PPP3CC: variants seen among roughly 807,000 people sequenced by gnomAD.
The protein encoded by PPP3CC is protein phosphatase 3 catalytic subunit gamma.
PPP3CC carries 35 observed loss-of-function variants against 60.3 expected under a neutral mutation model. The observed-to-expected ratio is 0.58, with a 90% CI of 0.44 to 0.77. PPP3CC has a LOEUF of 0.77. Among genes scored for constraint, PPP3CC ranks in the 30% least tolerant of loss-of-function variants. The pLI is 0.00. For synonymous variants in PPP3CC, 206 were observed against 224.3 expected (o/e 0.92, Z 0.73); for missense variants, 570 against 628.9 (o/e 0.91, Z 1.00).
chr8:22,501,942 G>C (rs1446449648), intron 4 of PPP3CC, among the ~76,000 whole-genome samples: 13 of 152,216 alleles, frequency 8.5e-5, no homozygotes, highest in Non-Finnish European at 1.5e-5. Context: ...CTGAAGGATA[G>C]ATTGAGCCTG....
At chr8:22,452,814 T>TATC (rs3084078) in intron 1 of PPP3CC, among the ~76,000 whole-genome samples, 39 of 151,868 alleles carry the variant, frequency 2.6e-4, no homozygotes, top group African/African-American at 6.0e-4. Flanking sequence ...CCGCCATCGC[T>TATC]ATCATCATCA....
intron 4 of PPP3CC, among the ~76,000 whole-genome samples, chr8:22,502,482 C>T (rs935314106): frequency 2.0e-5 from 3 of 152,014 alleles, no homozygotes; most frequent in African/African-American, 4.8e-5. Flanking sequence ...CCCAGGAGTT[C>T]GAGACTAACA....
At chr8:22,520,025 C>T (rs535217395) in intron 6 of PPP3CC, among the ~76,000 whole-genome samples, 15 of 152,246 alleles carry the variant, frequency 9.9e-5, no homozygotes, top group Admixed American at 3.9e-4. Flanking sequence ...TGACAAACTC[C>T]AGTTTTTGTT....
Position 22,532,206 on chromosome 8 carries a change from A to G in PPP3CC, c.1142-19A>G. On this transcript the variant is annotated intron_variant, in intron 10 of 13. Transcript: ENST00000240139. ...ATTAACACATCCCTTTAACTTACTTATTCTTTGTATTCTCTAAGGAAGCAC... is the reference window on the plus strand; with the variant it reads ...ATTAACACATCCCTTTAACTTACTTGTTCTTTGTATTCTCTAAGGAAGCAC... The G allele has an allele frequency of 6.3e-7, 1 of 1,581,582 alleles. No individual in the cohort carries two copies. The highest frequency in any genetic ancestry group is 1.1e-5 in the South Asian group (1 of 89,240).
At chr8:22,447,415 C>T (rs568612195) in intron 1 of PPP3CC, among the ~76,000 whole-genome samples, 1 of 151,966 alleles carries the variant, frequency 6.6e-6, no homozygotes, top group East Asian at 1.9e-4. Flanking sequence ...GTCTCCTGAC[C>T]TCGTGATCCG....
At position 22,475,524 on chromosome 8, in the gene PPP3CC, T is replaced by A; in HGVS notation, c.272T>A (p.Phe91Tyr). Reference protein sequence around the residue: ...ITVCGDIHGQFFDLMKLFEVG... With the variant: ...ITVCGDIHGQYFDLMKLFEVG... ...GTATGTGGTGATATTCATGGACAAT[T>A]CTTTGACCTAATGAAGTTATTTGAA... Residue 91 changes from phenylalanine (F) to tyrosine (Y), a missense_variant, in exon 3 of 14, where the codon TTC becomes TAC. Phe to Tyr is a conservative substitution (Grantham distance 22). Transcript: ENST00000240139. 3.1e-6 allele frequency: 5 copies of A among 1,610,578 alleles called. No individual in the cohort carries two copies. The Admixed American group carries it at 6.7e-5, about 22-fold the overall frequency.
intron 3 of PPP3CC, among the ~76,000 whole-genome samples, chr8:22,478,040 C>G (rs186875668): frequency 1.3e-5 from 2 of 152,028 alleles, no homozygotes; most frequent in Admixed American, 1.3e-4. Context: ...TTAGTAGAGA[C>G]GGGGTTTCAC....
intron 1 of PPP3CC, among the ~76,000 whole-genome samples, chr8:22,470,230 T>G (rs1041572203): frequency 6.6e-6 from 1 of 152,042 alleles, no homozygotes; most frequent in Non-Finnish European, 1.5e-5. Context: ...CAAGCGTTCC[T>G]CCTGCCATAG....
Position 22,532,913 on chromosome 8 carries a change from CT to C in PPP3CC, c.1224-5del. The C allele has an allele frequency of 6.4e-7, 1 of 1,568,576 alleles. No homozygotes were observed. The highest frequency in any genetic ancestry group is 1.2e-5 in the South Asian group (1 of 85,920). On this transcript the variant is annotated splice_polypyrimidine_tract_variant and splice_region_variant and intron_variant, in intron 11 of 13. Transcript: ENST00000240139. ...GGCATTAACCCAGGGTTTGGTCTCC[CT>C]TTGCAGGCAAGAAAGTGAGAGTGTG...
intron 4 of PPP3CC, among the ~76,000 whole-genome samples, chr8:22,504,308 T>G (rs1180795245): frequency 6.6e-6 from 1 of 152,150 alleles, no homozygotes; most frequent in Non-Finnish European, 1.5e-5. Context: ...TAAACAAAAT[T>G]TATTTTTTTA....
chr8:22,467,434 G>C (rs966673682), intron 1 of PPP3CC, among the ~76,000 whole-genome samples: 2 of 151,928 alleles, frequency 1.3e-5, no homozygotes, highest in Non-Finnish European at 2.9e-5. Flanking sequence ...TATTCAAGAT[G>C]TGTTTTTTGT....
intron 1 of PPP3CC, among the ~76,000 whole-genome samples, chr8:22,441,699 G>A (rs1836677675): frequency 6.6e-6 from 1 of 152,198 alleles, no homozygotes; most frequent in Admixed American, 6.5e-5. Flanking sequence ...TCAGGGTGCA[G>A]TGGGGACTTC....
chr8:22,510,864 A>AGCTGGAAAGTTAATCCAAGGTCAC (rs1343510618), intron 4 of PPP3CC: 4 of 496,914 alleles, frequency 8.0e-6, no homozygotes, highest in Non-Finnish European at 1.4e-5. Context: ...CAAGCAACAG[A>AGCTGGAAAGTTAATCCAAGGTCAC]GCTGGAAAGT....
intron 12 of PPP3CC, among the ~76,000 whole-genome samples, chr8:22,535,188 C>G (rs1206401240): frequency 6.6e-6 from 1 of 152,178 alleles, no homozygotes; most frequent in Non-Finnish European, 1.5e-5. Flanking sequence ...TCCCTGCAGC[C>G]ATATTCTATT....
intron 3 of PPP3CC, among the ~76,000 whole-genome samples, chr8:22,489,650 A>AATAAGTAAATATTATAT (rs1838324015): frequency 1.1e-5 from 1 of 93,858 alleles, no homozygotes; most frequent in Non-Finnish European, 2.0e-5. Context: ...TATAATATAC[A>AATAAGTAAATATTATAT]ATAAGTATAT....
chr8:22,441,202 C>A lies in PPP3CC; in HGVS notation c.-208C>A. 1 of 434,056 alleles carries A rather than the reference C, an allele frequency of 2.3e-6. No individual in the cohort carries two copies. The highest frequency in any genetic ancestry group is 4.0e-6 in the Non-Finnish European group (1 of 247,894). 26.9% of individuals were successfully genotyped at this position (434,056 alleles called of 1,614,324 possible). Reference sequence around the variant, plus strand: ...CCGCTGGCGCCTCCCAAGAGAGCGGCCGGTGGGCCCTCGTCCTGTCAGTGG... The same window carrying A: ...CCGCTGGCGCCTCCCAAGAGAGCGGACGGTGGGCCCTCGTCCTGTCAGTGG... On this transcript the variant is annotated 5_prime_UTR_variant, in exon 1 of 14. Coordinates refer to ENST00000240139, the MANE Select transcript of PPP3CC (RefSeq NM_005605.5).
intron 3 of PPP3CC, among the ~76,000 whole-genome samples, chr8:22,477,782 A>T (rs1193977280): frequency 6.6e-6 from 1 of 152,058 alleles, no homozygotes; most frequent in Non-Finnish European, 1.5e-5. Flanking sequence ...GGAACTATAG[A>T]TGCACACCAC....
chr8:22,467,890 T>C (rs1837594789), intron 1 of PPP3CC, among the ~76,000 whole-genome samples: 2 of 152,232 alleles, frequency 1.3e-5, no homozygotes, highest in Admixed American at 6.5e-5. Context: ...CTATGTGTCC[T>C]CACGTGGCAG....
At chr8:22,490,977 G>GATT (rs1838388112) in intron 3 of PPP3CC, among the ~76,000 whole-genome samples, 1 of 152,082 alleles carries the variant, frequency 6.6e-6, no homozygotes, top group Admixed American at 6.6e-5. Flanking sequence ...CCAGTAATGG[G>GATT]ATAAGATATA....
Sources: allele counts gnomAD v4.1 joint callset (sites outside exome capture counted in the v4.1 genomes callset), GRCh38; gene constraint gnomAD v4.1.1; transcripts MANE v1.5; gene names NCBI Gene and HGNC (gene_info 2026-07-23, HGNC 2026-07-21).